The following MECOM variants were observed in gnomAD, a reference collection of about 807,000 sequenced individuals.
The protein encoded by MECOM is MDS1 and EVI1 complex locus.
In MECOM, 13 loss-of-function variants were observed where a neutral mutation model predicts 116.3. The observed-to-expected ratio is 0.11, with a 90% CI of 0.07 to 0.18. The LOEUF is 0.18. Among genes scored for constraint, MECOM ranks in the 10% least tolerant of loss-of-function variants. The pLI is 1.00. For missense variants in MECOM, 1,299 were observed against 1,509.0 expected (o/e 0.86, Z 2.31); for synonymous variants, 528 against 535.2 (o/e 0.99, Z 0.19).
intron 3 of MECOM, among the ~76,000 whole-genome samples, chr3:169,142,728 A>G (rs753913571): frequency 6.6e-6 from 1 of 151,970 alleles, no homozygotes; most frequent in Non-Finnish European, 1.5e-5. Context: ...ATAATCTCAT[A>G]ATAATGAATG....
intron 1 of MECOM, among the ~76,000 whole-genome samples, chr3:169,472,285 A>C (rs1438343547): frequency 6.6e-6 from 1 of 150,694 alleles, no homozygotes; most frequent in African/African-American, 2.4e-5. Context: ...AAAAAAAAAA[A>C]CAATAATAAT....
At chr3:169,218,646 G>A (rs1336536202) in intron 2 of MECOM, among the ~76,000 whole-genome samples, 1 of 152,166 alleles carries the variant, frequency 6.6e-6, no homozygotes, top group Non-Finnish European at 1.5e-5. Flanking sequence ...TTTGAATACT[G>A]TATCCAATTA....
chr3:169,381,153 T>C (rs754614403), intron 2 of MECOM, 34 bp downstream of exon 2: 75 of 1,527,550 alleles, frequency 4.9e-5, no homozygotes, highest in Non-Finnish European at 6.2e-5. Flanking sequence ...ACAGCTGCAA[T>C]ATATAAATGT....
chr3:169,552,724 C>T (rs911962862), intron 1 of MECOM, among the ~76,000 whole-genome samples: 2 of 151,948 alleles, frequency 1.3e-5, no homozygotes, highest in Admixed American at 6.6e-5. Context: ...GGGTGAGTCA[C>T]TGCAGGCCCA....
At chr3:169,257,562 T>A (rs1368442436) in intron 2 of MECOM, among the ~76,000 whole-genome samples, 1 of 152,230 alleles carries the variant, frequency 6.6e-6, no homozygotes, top group Non-Finnish European at 1.5e-5. Flanking sequence ...AAGGTCTTAT[T>A]GAAGAAAATC....
intron 2 of MECOM, among the ~76,000 whole-genome samples, chr3:169,259,621 C>T (rs1020253318): frequency 7.9e-5 from 12 of 152,012 alleles, no homozygotes; most frequent in Admixed American, 2.6e-4. Flanking sequence ...TCCAGCCACT[C>T]GGGAGGCTGA....
chr3:169,183,896 C>G (rs1436258657), intron 2 of MECOM, among the ~76,000 whole-genome samples: 10 of 147,614 alleles, frequency 6.8e-5, no homozygotes, highest in Admixed American at 2.7e-4. Flanking sequence ...ACGGAGTCTC[C>G]CTCTGTTGCC....
At chr3:169,585,720 G>A (rs998233987) in intron 1 of MECOM, among the ~76,000 whole-genome samples, 1 of 152,120 alleles carries the variant, frequency 6.6e-6, no homozygotes, top group Non-Finnish European at 1.5e-5. Flanking sequence ...TGAGGGTAGG[G>A]AGTTTTATCT....
chr3:169,448,091 T>G (rs1309799605), intron 1 of MECOM, among the ~76,000 whole-genome samples: 1 of 152,148 alleles, frequency 6.6e-6, no homozygotes, highest in Non-Finnish European at 1.5e-5. Flanking sequence ...GCTATTATAG[T>G]GATGATGGCA....
At chr3:169,586,712 A>T (rs1170455212) in intron 1 of MECOM, among the ~76,000 whole-genome samples, 1 of 152,148 alleles carries the variant, frequency 6.6e-6, no homozygotes, top group Non-Finnish European at 1.5e-5. Flanking sequence ...CAGACAGGAG[A>T]CTGAATTCTG....
intron 1 of MECOM, among the ~76,000 whole-genome samples, chr3:169,596,825 C>A (rs570629024): frequency 6.6e-6 from 1 of 152,012 alleles, no homozygotes; most frequent in Admixed American, 6.5e-5. Context: ...CTTATAGTTA[C>A]AAATACCTTA....
At chr3:169,271,364 A>G (rs990882457) in intron 2 of MECOM, among the ~76,000 whole-genome samples, 7 of 152,228 alleles carry the variant, frequency 4.6e-5, no homozygotes, top group Non-Finnish European at 8.8e-5. Flanking sequence ...ACAAATACCC[A>G]ATGTTTCAAC....
intron 2 of MECOM, among the ~76,000 whole-genome samples, chr3:169,260,595 A>T (rs763906220): frequency 7.9e-5 from 12 of 152,148 alleles, no homozygotes; most frequent in Middle Eastern, 3.2e-3. Flanking sequence ...AAAGAACTGC[A>T]TGAGTTTATC....
At chr3:169,599,451 TG>T (rs1301476763) in intron 1 of MECOM, among the ~76,000 whole-genome samples, 1 of 149,654 alleles carries the variant, frequency 6.7e-6, no homozygotes, top group Admixed American at 6.7e-5. Context: ...AGGCGGAGGT[TG>T]CAGTGAGCCA....
intron 12 of MECOM, among the ~76,000 whole-genome samples, chr3:169,099,103 C>A (rs1343115260): frequency 1.6e-5 from 2 of 124,342 alleles, no homozygotes; most frequent in Admixed American, 8.5e-5. Flanking sequence ...CATTGGAATT[C>A]TTCTGCAAGG....
At chr3:169,418,072 C>T (rs1739009873) in intron 1 of MECOM, among the ~76,000 whole-genome samples, 1 of 144,318 alleles carries the variant, frequency 6.9e-6, no homozygotes, top group African/African-American at 2.6e-5. Flanking sequence ...CTAACCTGCA[C>T]ATTGTGCACA....
intron 1 of MECOM, among the ~76,000 whole-genome samples, chr3:169,582,401 C>T (rs1243150882): frequency 6.6e-6 from 1 of 151,694 alleles, no homozygotes; most frequent in Non-Finnish European, 1.5e-5. Context: ...AGGACAGGAA[C>T]AGGAGGAAAA....
chr3:169,498,398 C>T (rs1365163490), intron 1 of MECOM, among the ~76,000 whole-genome samples: 2 of 152,018 alleles, frequency 1.3e-5, no homozygotes, highest in Non-Finnish European at 2.9e-5. Flanking sequence ...TGTCCAAAAG[C>T]AAGAAAGTTT....
intron 1 of MECOM, chr3:169,389,655 T>C (rs1733923302): frequency 4.4e-6 from 4 of 913,922 alleles, no homozygotes; most frequent in Non-Finnish European, 5.2e-6. Flanking sequence ...CCTGAATTCA[T>C]GCTGCAGCAG....
Sources: gnomAD v4.1 joint callset for allele counts (sites outside exome capture counted in the v4.1 genomes callset) on GRCh38, gnomAD v4.1.1 for gene constraint, MANE v1.5 for transcripts, NCBI Gene and HGNC (gene_info 2026-07-23, HGNC 2026-07-21) for gene names.